The following ZNF519 variants were observed in gnomAD, a reference collection of about 807,000 sequenced individuals.
ZNF519 encodes zinc finger protein 519.
A neutral mutation model predicts 7.4 loss-of-function variants in ZNF519; 7 were observed. The ratio of observed to expected loss-of-function variants is 0.94; its 90% CI spans 0.54 to 1.77. ZNF519 has a LOEUF of 1.77. Among genes scored for constraint, ZNF519 ranks in the 40% most tolerant of loss-of-function variants. The pLI, the probability that ZNF519 is intolerant of heterozygous loss-of-function variation, is 0.00. For synonymous variants in ZNF519, 179 were observed against 203.3 expected, an observed-to-expected ratio of 0.88 and a Z score of 1.02; for missense variants, 586 against 623.1, an observed-to-expected ratio of 0.94 and a Z score of 0.63.
chr18:14,078,020 G>A (rs925655189), intron 4 of ZNF519, among the ~76,000 whole-genome samples: 16 of 152,058 alleles, frequency 1.1e-4, no homozygotes, highest in Admixed American at 4.6e-4. Flanking sequence ...AGATGGTTTC[G>A]GGATAAAACT....
chr18:14,076,689 A>G (rs2046049241), exon 5 of ZNF519: 1 of 152,230 alleles, frequency 6.6e-6, no homozygotes, highest in Admixed American at 6.5e-5. Context: ...TAAGATAAGC[A>G]CTGAACCTGG....
In ZNF519 at chr18:14,105,955, C is replaced by G. The variant is rs144002886; in HGVS notation, c.585G>C (p.Lys195Asn). Residue 195 changes from lysine to asparagine, a missense_variant, in exon 3 of 3, where the codon AAG (lysine) becomes AAC (asparagine). Physicochemically the swap from Lys to Asn is moderately conservative, Grantham distance 94 (BLOSUM62 0). Coordinates refer to ENST00000590202, the MANE Select transcript of ZNF519 (RefSeq NM_145287.4). ...TATGGATATTTTCAGGGAAAATAAG[C>G]TTTGAGGATTGGTAAAATACTTTTT... Reference protein sequence around the residue: ...ECEKVFYQSSKLIFPENIHIQ... With the variant: ...ECEKVFYQSSNLIFPENIHIQ... 6.2e-7 allele frequency: 1 copy of G among 1,604,536 alleles called. No homozygotes were observed. Among genetic ancestry groups the G allele is most frequent in the Non-Finnish European group, 8.5e-7 (1 of 1,174,628 alleles).
downstream of ZNF519, chr18:14,075,873 C>G (rs151036672): frequency 1.3e-5 from 2 of 151,992 alleles, no homozygotes; most frequent in African/African-American, 2.4e-5. Context: ...CAACTCATAA[C>G]GTTCTTATTA....
At chr18:14,117,879 C>T (rs533398224) in intron 2 of ZNF519, among the ~76,000 whole-genome samples, 53 of 152,228 alleles carry the variant, frequency 3.5e-4, no homozygotes, top group Non-Finnish European at 6.2e-4. Flanking sequence ...GAGAAACCAA[C>T]TCTATGATCC....
Position 14,100,441 on chromosome 18 carries a change from G to A in ZNF519, c.*4476C>T, listed in dbSNP as rs2046155339. The A allele has an allele frequency of 1.3e-5, 2 of 152,026 alleles. No homozygotes were observed. Among genetic ancestry groups the A allele is most frequent in the Admixed American group, 1.3e-4 (2 of 15,264 alleles). The allele number at this position is 152,026 out of a possible 1,614,324, so 9.4% of individuals were successfully genotyped here. ...CAAATATGTTCTTGAAAGAGTGAAG[G>A]GTTACACACAGTATTTCATGGTAAC... On this transcript the variant is annotated 3_prime_UTR_variant, in exon 3 of 3. Coordinates refer to ENST00000590202, the MANE Select transcript of ZNF519 (RefSeq NM_145287.4).
Position 14,105,253 on chromosome 18 carries a change from C to G in ZNF519, c.1287G>C (p.Glu429Asp). 1 of 1,613,246 alleles carries G rather than the reference C, an allele frequency of 6.2e-7. No homozygotes were observed. The change falls in exon 3 of 3, where the codon GAG (glutamate) becomes GAC (aspartate). Residue 429 changes from glutamate (E) to aspartate (D), a missense_variant. By Grantham distance (45) the Glu-to-Asp change is conservative. Coordinates refer to ENST00000590202, the MANE Select transcript of ZNF519 (RefSeq NM_145287.4). ...LTQHQRIHTG[E>D]KHFKCKECGK... Reference sequence around the variant, plus strand: ...CACATTCTTTACATTTGAAGTGTTTCTCTCCAGTATGGATTCTCTGATGTT... The same window carrying G: ...CACATTCTTTACATTTGAAGTGTTTGTCTCCAGTATGGATTCTCTGATGTT...
intron 2 of ZNF519, among the ~76,000 whole-genome samples, chr18:14,119,501 A>T (rs777069492): frequency 6.6e-6 from 1 of 152,220 alleles, no homozygotes; most frequent in African/African-American, 2.4e-5. Flanking sequence ...AAGAAGTAAA[A>T]ATGTTACTGT....
intron 1 of ZNF519, among the ~76,000 whole-genome samples, chr18:14,130,612 C>A (rs932872951): frequency 6.6e-6 from 1 of 151,960 alleles, no homozygotes; most frequent in African/African-American, 2.4e-5. Context: ...CACTGAAGTG[C>A]TCAATGCCCA....
intron 2 of ZNF519, among the ~76,000 whole-genome samples, chr18:14,120,677 C>G (rs1362750139): frequency 6.6e-6 from 1 of 151,948 alleles, no homozygotes; most frequent in Non-Finnish European, 1.5e-5. Context: ...TTCTGCAATT[C>G]AAAGCAAAAC....
chr18:14,075,020 G>A (rs2046042237), downstream of ZNF519: 1 of 152,244 alleles, frequency 6.6e-6, no homozygotes, highest in African/African-American at 2.4e-5. Flanking sequence ...GTAAGCAGGA[G>A]CAAGTCAGGT....
chr18:14,112,706 C>G (rs545887412), intron 2 of ZNF519, among the ~76,000 whole-genome samples: 1 of 151,968 alleles, frequency 6.6e-6, no homozygotes, highest in East Asian at 1.9e-4. Flanking sequence ...AATAAAATAC[C>G]TAGGAATTAA....
chr18:14,126,445 G>T (rs1598523844), intron 1 of ZNF519, among the ~76,000 whole-genome samples: 1 of 152,156 alleles, frequency 6.6e-6, no homozygotes, highest in African/African-American at 2.4e-5. Flanking sequence ...TTCTGTCCAT[G>T]AATAGACCTT....
chr18:14,090,870 T>G (rs999142448), intron 2 of ZNF519: 4 of 152,216 alleles, frequency 2.6e-5, no homozygotes, highest in East Asian at 1.9e-4. Context: ...TTCCTCAAAT[T>G]GAAACATCAT....
chr18:14,126,814 A>G (rs2046301401), intron 1 of ZNF519, among the ~76,000 whole-genome samples: 1 of 152,216 alleles, frequency 6.6e-6, no homozygotes, highest in African/African-American at 2.4e-5. Context: ...AAATGGGGGC[A>G]GAATTAAACC....
Position 14,132,369 on chromosome 18 carries a change from A to G in ZNF519, c.-92T>C, listed in dbSNP as rs2046335470. The G allele has an allele frequency of 3.3e-6, 5 of 1,516,270 alleles. No individual in the cohort carries two copies. Among genetic ancestry groups the G allele is most frequent in the Non-Finnish European group, 4.6e-6 (5 of 1,094,922 alleles). The allele number at this position is 1,516,270 out of a possible 1,614,324, so 93.9% of individuals were successfully genotyped here. ...GACGGAGTGAGTGGCAGAATCACCG[A>G]AGTCTCCCGGAGCAGAGGACACAAG... On this transcript the variant is annotated 5_prime_UTR_variant, in exon 1 of 3. Transcript: ENST00000590202.
At chr18:14,075,341 G>A (rs2046043621), downstream of ZNF519, 1 of 152,250 alleles carries the variant, frequency 6.6e-6, no homozygotes, top group Non-Finnish European at 1.5e-5. Context: ...CAATCCAGCA[G>A]AGGATGTTGG....
intron 2 of ZNF519, among the ~76,000 whole-genome samples, chr18:14,085,922 G>A (rs1257523957): frequency 6.6e-6 from 1 of 152,166 alleles, no homozygotes; most frequent in Non-Finnish European, 1.5e-5. Context: ...ATCAGGCCAC[G>A]AGCAAACCTC....
chr18:14,104,924 G>T lies in ZNF519; in HGVS notation c.1616C>A (p.Thr539Asn). The T allele has an allele frequency of 1.3e-6, 2 of 1,545,878 alleles. No homozygotes were observed. Among genetic ancestry groups the T allele is most frequent in the Non-Finnish European group, 1.7e-6 (2 of 1,150,340 alleles). ...TTTACACTTGCAGGGTTTCTACCTG[G>T]TATGAATTATTTGATGTTGAGTAAG... ...STLTQHQIIH[T>N]R is the part of the protein sequence containing the mutation. Residue 539 changes from threonine to asparagine, a missense_variant, in exon 3 of 3, where the codon ACC (threonine) becomes AAC (asparagine). By Grantham distance (65) the Thr-to-Asn change is moderately conservative. Transcript: ENST00000590202.
At chr18:14,085,408 T>G (rs2046086385) in intron 2 of ZNF519, among the ~76,000 whole-genome samples, 1 of 151,878 alleles carries the variant, frequency 6.6e-6, no homozygotes, top group African/African-American at 2.4e-5. Context: ...AAGGGTGATT[T>G]TTTTGGAAAA....
Sources: gnomAD v4.1 joint callset for allele counts (sites outside exome capture counted in the v4.1 genomes callset) on GRCh38, gnomAD v4.1.1 for gene constraint, MANE v1.5 for transcripts, NCBI Gene and HGNC (gene_info 2026-07-23, HGNC 2026-07-21) for gene names.